Variants in TTC29 observed in about 807,000 individuals in gnomAD.
The protein encoded by TTC29 is tetratricopeptide repeat protein 29.
A neutral mutation model predicts 58.1 loss-of-function variants in TTC29; 49 were observed. That is an observed-to-expected ratio of 0.84 (90% CI 0.67 to 1.07). The LOEUF is 1.07. TTC29 is among the 50% of genes least tolerant of loss of function. TTC29 has a pLI of 0.00. For missense variants in TTC29, 582 were observed against 555.6 expected, an observed-to-expected ratio of 1.05 and a Z score of -0.48; for synonymous variants, 209 against 196.8, an observed-to-expected ratio of 1.06 and a Z score of -0.52.
rs150811701 is a variant in TTC29, at chr4:146,774,755, C to T, written c.1330+28702G>A. On this transcript the variant is annotated intron_variant, in intron 11 of 12. Transcript: ENST00000325106. ...GGTCCATTTGGTCAAGTGTCGAGTT[C>T]AGGCCCTGAATATCTTTGTTAGTTA... Among the ~76,000 whole-genome samples, 590 of 152,170 alleles carry T rather than the reference C, an allele frequency of 3.9e-3. 4 individuals carry two copies. The highest frequency in any genetic ancestry group is 0.013 in the African/African-American group (560 of 41,536).
In TTC29 at chr4:146,800,683, G is replaced by T. The variant is rs1045840750; in HGVS notation, c.1330+2774C>A. The stretch of plus-strand genomic sequence containing the variant: ...TACTACACATTTTGTTTAAAAAGTC[G>T]TTAATGCAAACTAGTTTATGATTAG... On this transcript the variant is annotated intron_variant, in intron 11 of 12. Transcript: ENST00000325106. Among the ~76,000 whole-genome samples the T allele has an allele frequency of 6.0e-4, 91 of 152,232 alleles. 1 individual carries two copies. Among genetic ancestry groups the T allele is most frequent in the Admixed American group, 6.0e-3 (91 of 15,292 alleles).
chr4:146,922,222 T>C (rs961472655), intron 4 of TTC29, among the ~76,000 whole-genome samples: 2 of 151,092 alleles, frequency 1.3e-5, no homozygotes, highest in African/African-American at 4.8e-5. Flanking sequence ...GAGCAACTCA[T>C]ACTAGTGAAG....
At chr4:146,868,048 A>G (rs1459091531) in intron 7 of TTC29, among the ~76,000 whole-genome samples, 1 of 152,176 alleles carries the variant, frequency 6.6e-6, no homozygotes, top group African/African-American at 2.4e-5. Context: ...ATACTCAATC[A>G]CATGGACTGA....
At chr4:146,918,493 A>G (rs1734381031) in intron 4 of TTC29, among the ~76,000 whole-genome samples, 1 of 151,220 alleles carries the variant, frequency 6.6e-6, no homozygotes, top group African/African-American at 2.4e-5. Context: ...CACAGATTCT[A>G]TTTTGATAGA....
intron 6 of TTC29, among the ~76,000 whole-genome samples, chr4:146,882,012 A>G (rs1731660768): frequency 6.6e-6 from 1 of 152,136 alleles, no homozygotes. Context: ...ACCCCACACC[A>G]GTTAAAGAGT....
At chr4:146,820,681 T>C (rs1290347348) in intron 9 of TTC29, among the ~76,000 whole-genome samples, 1 of 152,196 alleles carries the variant, frequency 6.6e-6, no homozygotes, top group Non-Finnish European at 1.5e-5. Context: ...TATCAACTGA[T>C]GAATGGGTAA....
intron 10 of TTC29, among the ~76,000 whole-genome samples, chr4:146,809,357 C>A (rs1192422241): frequency 6.7e-6 from 1 of 150,030 alleles, no homozygotes; most frequent in Admixed American, 6.8e-5. Flanking sequence ...GCACCAAAAG[C>A]AATGGCAACA....
chr4:146,771,255 CTTTGT>C, intron 11 of TTC29, among the ~76,000 whole-genome samples: 1 of 151,930 alleles, frequency 6.6e-6, no homozygotes, highest in Non-Finnish European at 1.5e-5. Flanking sequence ...TCAGATGTTT[CTTTGT>C]TTTAACTTTT....
chr4:146,939,681 C>T (rs2150336470), intron 3 of TTC29, 123 bp downstream of exon 3: 2 of 857,264 alleles, frequency 2.3e-6, no homozygotes, highest in African/African-American at 1.8e-5. Context: ...TCAATATTCT[C>T]AATATAACAA....
intron 8 of TTC29, among the ~76,000 whole-genome samples, chr4:146,848,497 T>A (rs1209388579): frequency 6.6e-6 from 1 of 152,186 alleles, no homozygotes; most frequent in Non-Finnish European, 1.5e-5. Flanking sequence ...TAACACTCTT[T>A]AGTGGTTTAT....
intron 11 of TTC29, among the ~76,000 whole-genome samples, chr4:146,791,886 A>T (rs963880643): frequency 1.4e-4 from 21 of 152,236 alleles, no homozygotes; most frequent in African/African-American, 4.6e-4. Flanking sequence ...TAAATAAGCC[A>T]CAACATTCTC....
chr4:146,922,468 G>A (rs915355900), intron 4 of TTC29, among the ~76,000 whole-genome samples: 3 of 151,612 alleles, frequency 2.0e-5, no homozygotes, highest in African/African-American at 4.8e-5. Context: ...ATAGTAGCAC[G>A]AACGGAAAAA....
chr4:146,756,353 T>C (rs1453694796), intron 11 of TTC29, among the ~76,000 whole-genome samples: 1 of 151,840 alleles, frequency 6.6e-6, no homozygotes, highest in African/African-American at 2.4e-5. Context: ...TCCTATCAAG[T>C]AGGCATTACA....
intron 10 of TTC29, among the ~76,000 whole-genome samples, chr4:146,810,090 AG>A (rs1305308339): frequency 6.6e-6 from 1 of 152,222 alleles, no homozygotes; most frequent in Non-Finnish European, 1.5e-5. Flanking sequence ...GCTATAAAAA[AG>A]GATGAGTTCA....
At chr4:146,778,292 A>C (rs1300003675) in intron 11 of TTC29, among the ~76,000 whole-genome samples, 1 of 152,034 alleles carries the variant, frequency 6.6e-6, no homozygotes, top group Non-Finnish European at 1.5e-5. Flanking sequence ...CTTTAGCTCT[A>C]TTTCGTTAAT....
Position 146,945,763 on chromosome 4 carries a change from TC to T in TTC29, c.-109del. The T allele has an allele frequency of 6.6e-6, 1 of 152,462 alleles. No individual in the cohort carries two copies. The highest frequency in any genetic ancestry group is 1.5e-5 in the Non-Finnish European group (1 of 68,180). 9.4% of individuals were successfully genotyped at this position (152,462 alleles called of 1,614,324 possible). A position where few individuals can be genotyped will look rare whatever the true frequency, so the allele number is the denominator to read the frequency against. ...CAGTTTTCCGTTCCGCCGAAGTCAG[TC>T]CCCCACCGGCGGCAGGTGCTGGGCG... On this transcript the variant is annotated 5_prime_UTR_variant, in exon 1 of 13. Transcript: ENST00000325106.
At chr4:146,711,548 A>G (rs1742493423) in intron 11 of TTC29, among the ~76,000 whole-genome samples, 1 of 152,182 alleles carries the variant, frequency 6.6e-6, no homozygotes, top group Admixed American at 6.6e-5. Flanking sequence ...ATGACTCAAA[A>G]GCTTTTGTTA....
Position 146,857,119 on chromosome 4 carries a change from TA to T in TTC29, c.885+10378del, listed in dbSNP as rs557129866. Reference sequence around the variant, plus strand: ...AATAAGACATTTTCTATACAATTTGTAAATAAATACATATTTTAAAATTAGA... The same window carrying T: ...AATAAGACATTTTCTATACAATTTGTAATAAATACATATTTTAAAATTAGA... On this transcript the variant is annotated intron_variant, in intron 8 of 12. Coordinates refer to ENST00000325106, the MANE Select transcript of TTC29 (RefSeq NM_031956.4). 1.1e-4 allele frequency among the ~76,000 whole-genome samples: 16 copies of T among 152,280 alleles called. No homozygotes were observed. The East Asian group carries it at 3.1e-3, about 29-fold the overall frequency.
chr4:146,843,473 T>C (rs899522388), intron 8 of TTC29, among the ~76,000 whole-genome samples: 3 of 152,134 alleles, frequency 2.0e-5, no homozygotes, highest in Non-Finnish European at 2.9e-5. Context: ...CTCCCATACA[T>C]TGACTGCTTA....
Sources: gnomAD v4.1 joint callset for allele counts (sites outside exome capture counted in the v4.1 genomes callset) on GRCh38, gnomAD v4.1.1 for gene constraint, MANE v1.5 for transcripts, NCBI Gene and HGNC (gene_info 2026-07-23, HGNC 2026-07-21) for gene names.